The following THSD7B variants were observed in gnomAD, a reference collection of about 807,000 sequenced individuals.
THSD7B encodes thrombospondin type 1 domain containing 7B.
Under a neutral mutation model 213.6 loss-of-function variants are expected in THSD7B, and 138 were observed. The ratio of observed to expected loss-of-function variants is 0.65; its 90% CI spans 0.56 to 0.74. The LOEUF (loss-of-function observed/expected upper bound fraction) is 0.74. THSD7B is among the 30% of genes least tolerant of loss of function. THSD7B has a pLI of 0.00. For missense variants in THSD7B, 1,931 were observed against 1,991.5 expected (o/e 0.97, Z 0.58); for synonymous variants, 742 against 687.0 (o/e 1.08, Z -1.25).
intron 24 of THSD7B, 27 bp downstream of exon 24, chr2:137,657,187 C>T: frequency 6.2e-7 from 1 of 1,605,302 alleles, no homozygotes; most frequent in Non-Finnish European, 8.5e-7. Flanking sequence ...CTCATGTGGG[C>T]ACTTCACAAA....
intron 9 of THSD7B, among the ~76,000 whole-genome samples, chr2:137,236,308 A>G (rs1425454256): frequency 5.3e-5 from 8 of 152,186 alleles, no homozygotes; most frequent in African/African-American, 1.9e-4. Context: ...AGAGGCATAG[A>G]GTTTCTCGCA....
At chr2:137,331,872 G>A (rs1271253572) in intron 12 of THSD7B, among the ~76,000 whole-genome samples, 12 of 152,176 alleles carry the variant, frequency 7.9e-5, no homozygotes, top group Non-Finnish European at 1.3e-4. Flanking sequence ...CTCATTGCCC[G>A]GGGCCGGCGG....
chr2:137,132,119 G>A (rs1307870920), intron 5 of THSD7B, among the ~76,000 whole-genome samples: 3 of 149,636 alleles, frequency 2.0e-5, no homozygotes, highest in Non-Finnish European at 4.4e-5. Context: ...TGGATTCCTA[G>A]GTATTTTATT....
chr2:136,978,484 G>A (rs1685521048), intron 2 of THSD7B, among the ~76,000 whole-genome samples: 1 of 152,144 alleles, frequency 6.6e-6, no homozygotes, highest in Admixed American at 6.5e-5. Flanking sequence ...TGTATTGAGT[G>A]CATATATATT....
chr2:137,584,236 G>A (rs916452032), intron 17 of THSD7B, among the ~76,000 whole-genome samples: 2 of 152,124 alleles, frequency 1.3e-5, no homozygotes, highest in African/African-American at 4.8e-5. Context: ...AGGAGATTTT[G>A]GGTTGAGATG....
At chr2:136,915,805 A>G (rs999181425) in intron 2 of THSD7B, among the ~76,000 whole-genome samples, 3 of 152,202 alleles carry the variant, frequency 2.0e-5, no homozygotes, top group Non-Finnish European at 4.4e-5. Context: ...AGTCCTTGAC[A>G]GTTTTTGGAT....
chr2:137,068,649 A>G (rs1687422937), intron 3 of THSD7B, among the ~76,000 whole-genome samples: 1 of 152,054 alleles, frequency 6.6e-6, no homozygotes, highest in South Asian at 2.1e-4. Flanking sequence ...GTGTATACTT[A>G]TTGACTTCTA....
chr2:136,881,008 T>G (rs1042221288), intron 1 of THSD7B, among the ~76,000 whole-genome samples: 2 of 152,148 alleles, frequency 1.3e-5, no homozygotes, highest in African/African-American at 4.8e-5. Context: ...CTCTTGTTTG[T>G]GTCCTTCACA....
chr2:137,633,873 T>C (rs1232503388), intron 20 of THSD7B, among the ~76,000 whole-genome samples: 1 of 152,182 alleles, frequency 6.6e-6, no homozygotes, highest in African/African-American at 2.4e-5. Flanking sequence ...GGACTGTTTT[T>C]ACAATGACAA....
chr2:136,924,261 A>T (rs1684485514), intron 2 of THSD7B, among the ~76,000 whole-genome samples: 1 of 151,996 alleles, frequency 6.6e-6, no homozygotes, highest in African/African-American at 2.4e-5. Flanking sequence ...TTTGTGTTTT[A>T]GTAGAGATGA....
intron 7 of THSD7B, among the ~76,000 whole-genome samples, chr2:137,220,691 T>C (rs1681348006): frequency 6.6e-6 from 1 of 152,194 alleles, no homozygotes; most frequent in South Asian, 2.1e-4. Flanking sequence ...TCACCCTTAA[T>C]TATTTACCCA....
At position 137,170,778 on chromosome 2, in the gene THSD7B, T is replaced by C; in HGVS notation, c.1563T>C (p.Ser521=). ...RTRQRHVLME[S]TGPAGHCPHL... is the part of the protein sequence containing the mutation. ...GGCAGCGCCATGTCCTCATGGAATC[T>C]ACAGGGCCTGCAGGGCATTGCCCTC... The change falls in exon 7 of 28, where the codon TCT becomes TCC. Residue 521 remains serine (S), a synonymous_variant. Coordinates refer to ENST00000409968, the MANE Select transcript of THSD7B (RefSeq NM_001316349.2). 1.9e-6 allele frequency: 3 copies of C among 1,613,712 alleles called. No homozygotes were observed. Among genetic ancestry groups the C allele is most frequent in the Non-Finnish European group, 2.5e-6 (3 of 1,179,734 alleles).
chr2:137,356,585 G>A (rs1024929669), intron 12 of THSD7B, among the ~76,000 whole-genome samples: 12 of 152,266 alleles, frequency 7.9e-5, no homozygotes, highest in African/African-American at 2.2e-4. Flanking sequence ...CTAATAGGAC[G>A]TTGGTAATCA....
At chr2:137,230,929 G>T in intron 7 of THSD7B, 115 bp from the exon 8 acceptor site, 1 of 1,029,858 alleles carries the variant, frequency 9.7e-7, no homozygotes, top group Non-Finnish European at 1.4e-6. Context: ...TAAATATTGT[G>T]AATGGCTGAA....
chr2:136,799,382 ATATT>A (rs1682133300), intron 1 of THSD7B, among the ~76,000 whole-genome samples: 1 of 152,046 alleles, frequency 6.6e-6, no homozygotes, highest in Non-Finnish European at 1.5e-5. Flanking sequence ...TAGAGCCTAT[ATATT>A]TTCTTTTGGT....
intron 1 of THSD7B, among the ~76,000 whole-genome samples, chr2:136,835,800 A>G (rs1473268083): frequency 2.0e-5 from 3 of 152,224 alleles, no homozygotes; most frequent in African/African-American, 4.8e-5. Context: ...AAGAAGAGAA[A>G]CTGGTACACA....
At chr2:137,169,496 C>T (rs1037492194) in intron 6 of THSD7B, among the ~76,000 whole-genome samples, 2 of 151,980 alleles carry the variant, frequency 1.3e-5, no homozygotes, top group Admixed American at 1.3e-4. Flanking sequence ...CTCCCCTCCC[C>T]TTGTGGGAAG....
rs146565534 is a variant in THSD7B, at chr2:137,118,071, G to A, written c.1369+2778G>A. Among the ~76,000 whole-genome samples the A allele has an allele frequency of 3.5e-4, 53 of 152,280 alleles. 1 individual carries two copies. Among genetic ancestry groups the A allele is most frequent in the Middle Eastern group, 3.4e-3 (1 of 294 alleles). On this transcript the variant is annotated intron_variant, in intron 5 of 27. Transcript: ENST00000409968. ...AATAGTGCTGTAACAATCAATGTAT[G>A]TATTACCAGTAATATTAGCCAAGCC...
At chr2:137,040,231 C>T (rs1481394010) in intron 2 of THSD7B, among the ~76,000 whole-genome samples, 1 of 152,090 alleles carries the variant, frequency 6.6e-6, no homozygotes, top group Non-Finnish European at 1.5e-5. Context: ...CAAATGTGTT[C>T]CGGTAGAAAG....
Sources: gnomAD v4.1 joint callset for allele counts (sites outside exome capture counted in the v4.1 genomes callset) on GRCh38, gnomAD v4.1.1 for gene constraint, MANE v1.5 for transcripts, NCBI Gene and HGNC (gene_info 2026-07-23, HGNC 2026-07-21) for gene names.